APPBP2: variants seen among roughly 807,000 people sequenced by gnomAD.
The protein encoded by APPBP2 is amyloid protein-binding protein 2.
APPBP2 carries 15 observed loss-of-function variants against 76.0 expected under a neutral mutation model. The ratio of observed to expected loss-of-function variants is 0.20; its 90% CI spans 0.13 to 0.30. The LOEUF (loss-of-function observed/expected upper bound fraction) is 0.30. APPBP2 is among the 10% of genes least tolerant of loss of function. APPBP2 has a pLI of 1.00. For missense variants in APPBP2, 401 were observed against 687.2 expected (o/e 0.58, Z 4.66); for synonymous variants, 222 against 242.2 (o/e 0.92, Z 0.77).
intron 1 of APPBP2, among the ~76,000 whole-genome samples, chr17:60,502,258 T>C (rs2090828967): frequency 6.6e-6 from 1 of 152,174 alleles, no homozygotes; most frequent in Admixed American, 6.6e-5. Context: ...GGACTCTGTT[T>C]TCTGCTATAG....
chr17:60,513,362 T>C (rs1000875085), intron 1 of APPBP2: 3 of 646,940 alleles, frequency 4.6e-6, no homozygotes, highest in African/African-American at 1.8e-5. Flanking sequence ...GAACAGCTTA[T>C]GTGGTCTATG....
intron 2 of APPBP2, among the ~76,000 whole-genome samples, chr17:60,495,087 C>T (rs545561385): frequency 3.3e-5 from 5 of 149,454 alleles, no homozygotes; most frequent in East Asian, 4.0e-4. Context: ...CTGGTTCAAG[C>T]GATTCTCCCG....
At chr17:60,510,034 A>G (rs1481451758) in intron 1 of APPBP2, among the ~76,000 whole-genome samples, 1 of 152,224 alleles carries the variant, frequency 6.6e-6, no homozygotes, top group African/African-American at 2.4e-5. Flanking sequence ...CTCTAACATA[A>G]AAGAATATGT....
chr17:60,512,293 C>A (rs941494611), intron 1 of APPBP2, among the ~76,000 whole-genome samples: 1 of 151,632 alleles, frequency 6.6e-6, no homozygotes, highest in Non-Finnish European at 1.5e-5. Context: ...TTAGTAGAGA[C>A]GGGGTTTCAC....
intron 4 of APPBP2, among the ~76,000 whole-genome samples, chr17:60,477,727 T>C (rs1261758856): frequency 1.3e-5 from 2 of 151,224 alleles, no homozygotes; most frequent in African/African-American, 2.4e-5. Flanking sequence ...CAGGATTGAA[T>C]GTCTGTCTGA....
intron 1 of APPBP2, among the ~76,000 whole-genome samples, chr17:60,507,490 G>A (rs1189454702): frequency 6.6e-6 from 1 of 152,050 alleles, no homozygotes; most frequent in Non-Finnish European, 1.5e-5. Context: ...CCAAAGTGCT[G>A]GGATTACAGG....
intron 1 of APPBP2, among the ~76,000 whole-genome samples, chr17:60,509,264 C>T (rs1246630158): frequency 6.6e-6 from 1 of 151,848 alleles, no homozygotes; most frequent in Admixed American, 6.6e-5. Flanking sequence ...CCTGTAGTCC[C>T]AGCTACCAGG....
chr17:60,494,124 A>G (rs150400463), intron 3 of APPBP2, among the ~76,000 whole-genome samples: 2 of 152,330 alleles, frequency 1.3e-5, no homozygotes, highest in Admixed American at 1.3e-4. Flanking sequence ...GCAGCATGAC[A>G]TGGTAGAAAA....
At chr17:60,467,077 G>A (rs997642032) in intron 4 of APPBP2, among the ~76,000 whole-genome samples, 1 of 152,092 alleles carries the variant, frequency 6.6e-6, no homozygotes, top group African/African-American at 2.4e-5. Flanking sequence ...GATCAGACTG[G>A]TCTAGATAGC....
chr17:60,521,621 TGCC>T (rs1271267550), intron 1 of APPBP2, among the ~76,000 whole-genome samples: 1 of 152,174 alleles, frequency 6.6e-6, no homozygotes, highest in Non-Finnish European at 1.5e-5. Context: ...CTCGCTTTAT[TGCC>T]CAGGCAGGTC....
rs557903675 is a variant in APPBP2, at chr17:60,449,942, G to A, written c.1504+1938C>T. On this transcript the variant is annotated intron_variant, in intron 12 of 12. Transcript: ENST00000083182. ...CTCCCGAGTAGCTGGGATTACAGGCGTACTGTACCACGCCCGGCTAATTTT... is the reference window on the plus strand; with the variant it reads ...CTCCCGAGTAGCTGGGATTACAGGCATACTGTACCACGCCCGGCTAATTTT... 5.9e-5 allele frequency among the ~76,000 whole-genome samples: 9 copies of A among 151,832 alleles called. No individual in the cohort carries two copies. In the South Asian group the frequency reaches 1.2e-3, roughly 21 times the overall value.
chr17:60,479,024 CTAT>C, intron 4 of APPBP2, 121 bp downstream of exon 4: 1 of 937,630 alleles, frequency 1.1e-6, no homozygotes, highest in Admixed American at 3.0e-5. Context: ...ACTAGTGAAA[CTAT>C]GACATATAAA....
At chr17:60,470,138 G>T (rs2090541552) in intron 4 of APPBP2, among the ~76,000 whole-genome samples, 1 of 151,680 alleles carries the variant, frequency 6.6e-6, no homozygotes, top group African/African-American at 2.4e-5. Flanking sequence ...AGCTCATTAT[G>T]TTTGATTTCC....
intron 3 of APPBP2, among the ~76,000 whole-genome samples, chr17:60,482,087 G>A (rs189257353): frequency 2.6e-5 from 4 of 152,198 alleles, no homozygotes; most frequent in Non-Finnish European, 5.9e-5. Flanking sequence ...CTCCATGTTG[G>A]TCAGGCTGGT....
Position 60,493,056 on chromosome 17 carries a change from T to A in APPBP2, c.379+1410A>T, listed in dbSNP as rs530488969. The stretch of plus-strand genomic sequence containing the variant: ...TTTTCATGCTAGTGAATAAGTCTCA[T>A]GAGAGCTGATGGTTTTATAAGGGGT... On this transcript the variant is annotated intron_variant, in intron 3 of 12. Coordinates refer to ENST00000083182, the MANE Select transcript of APPBP2 (RefSeq NM_006380.5). Among the ~76,000 whole-genome samples, 82 of 152,320 alleles carry A rather than the reference T, an allele frequency of 5.4e-4. 4 individuals are homozygous for A. The highest frequency in any genetic ancestry group is 5.4e-3 in the Admixed American group (82 of 15,294).
intron 3 of APPBP2, among the ~76,000 whole-genome samples, chr17:60,490,742 A>G (rs369972309): frequency 6.6e-6 from 1 of 152,270 alleles, no homozygotes; most frequent in East Asian, 1.9e-4. Context: ...CAGTCTCCCC[A>G]ATACTGTTCT....
At chr17:60,494,097 G>A (rs2090753361) in intron 3 of APPBP2, among the ~76,000 whole-genome samples, 1 of 152,160 alleles carries the variant, frequency 6.6e-6, no homozygotes. Flanking sequence ...ACAGTAAGCA[G>A]GTCAAAGAGG....
At chr17:60,490,307 G>A (rs933694840) in intron 3 of APPBP2, among the ~76,000 whole-genome samples, 5 of 152,172 alleles carry the variant, frequency 3.3e-5, no homozygotes, top group Non-Finnish European at 5.9e-5. Context: ...ACTGGGGGAA[G>A]CTGGAGGAAT....
intron 3 of APPBP2, among the ~76,000 whole-genome samples, chr17:60,488,225 G>A (rs2143411186): frequency 6.6e-6 from 1 of 152,294 alleles, no homozygotes; most frequent in South Asian, 2.1e-4. Flanking sequence ...CAAACTCCGT[G>A]CTGGGAGAAT....
Sources: gnomAD v4.1 joint callset for allele counts (sites outside exome capture counted in the v4.1 genomes callset) on GRCh38, gnomAD v4.1.1 for gene constraint, MANE v1.5 for transcripts, NCBI Gene and HGNC (gene_info 2026-07-23, HGNC 2026-07-21) for gene names.